The following SECISBP2L variants were observed in gnomAD, a reference collection of about 807,000 sequenced individuals.
SECISBP2L encodes SECIS binding protein 2 like, also known as selenocysteine insertion sequence-binding protein 2-like.
A neutral mutation model predicts 114.7 loss-of-function variants in SECISBP2L; 43 were observed. The ratio of observed to expected loss-of-function variants is 0.38; its 90% CI spans 0.29 to 0.48. The LOEUF (loss-of-function observed/expected upper bound fraction) is 0.48. Among genes scored for constraint, SECISBP2L ranks in the 20% least tolerant of loss-of-function variants. The pLI is 0.98. For synonymous variants in SECISBP2L, 451 were observed against 439.7 expected, an observed-to-expected ratio of 1.03 and a Z score of -0.32; for missense variants, 1,136 against 1,301.1, an observed-to-expected ratio of 0.87 and a Z score of 1.95.
chr15:49,035,200 T>C (rs992804102), intron 3 of SECISBP2L, 134 bp downstream of exon 3: 1 of 730,028 alleles, frequency 1.4e-6, no homozygotes, highest in Non-Finnish European at 2.2e-6. Flanking sequence ...TACATACCCT[T>C]TACCATTTTA....
At chr15:49,018,334 G>A (rs1381099197) in intron 8 of SECISBP2L, among the ~76,000 whole-genome samples, 1 of 149,014 alleles carries the variant, frequency 6.7e-6, no homozygotes, top group Non-Finnish European at 1.5e-5. Context: ...TCGGCTCACT[G>A]CAACCTCCAC....
chr15:49,038,441 A>C (rs1346483219), intron 1 of SECISBP2L, among the ~76,000 whole-genome samples: 3 of 151,796 alleles, frequency 2.0e-5, no homozygotes, highest in African/African-American at 7.3e-5. Flanking sequence ...TAAAAAAAAA[A>C]AAAACCCTGT....
intron 9 of SECISBP2L, 94 bp downstream of exon 9, chr15:49,017,454 A>C: frequency 1.3e-6 from 1 of 784,168 alleles, no homozygotes; most frequent in South Asian, 1.6e-5. Flanking sequence ...CTGCTGCTCC[A>C]TGTGCCTTTA....
At chr15:49,008,148 GT>G (rs1902361283) in intron 14 of SECISBP2L, among the ~76,000 whole-genome samples, 1 of 152,156 alleles carries the variant, frequency 6.6e-6, no homozygotes, top group African/African-American at 2.4e-5. Flanking sequence ...GAGAATTGGT[GT>G]TTCTTATCTA....
intron 17 of SECISBP2L, 39 bp from the exon 18 acceptor site, chr15:48,992,965 T>A (rs757122762): frequency 6.6e-7 from 1 of 1,520,946 alleles, no homozygotes; most frequent in Admixed American, 2.0e-5. Context: ...ACCAGAACAC[T>A]GTTTCAAAAT....
chr15:49,009,679 GC>G (rs1902397787), intron 13 of SECISBP2L, among the ~76,000 whole-genome samples: 1 of 151,644 alleles, frequency 6.6e-6, no homozygotes, highest in Non-Finnish European at 1.5e-5. Flanking sequence ...TTTGAGGTCA[GC>G]CTGAGAAACG....
At chr15:49,036,538 A>G (rs1054111137) in intron 2 of SECISBP2L, among the ~76,000 whole-genome samples, 7 of 152,232 alleles carry the variant, frequency 4.6e-5, no homozygotes, top group African/African-American at 1.4e-4. Flanking sequence ...ATCATACTGT[A>G]TACTTGGCCA....
Position 48,992,668 on chromosome 15 carries a change from G to A in SECISBP2L, c.2882C>T (p.Thr961Ile), listed in dbSNP as rs768361689. 1 of 1,614,218 alleles carries A rather than the reference G, an allele frequency of 6.2e-7. No homozygotes were observed. Among genetic ancestry groups the A allele is most frequent in the South Asian group, 1.1e-5 (1 of 91,086 alleles). ...TCGGCAACTGCCATCCAAAGAGCCA[G>A]TCTCTGTACTCTGCTGTGAGGCCCA... ...LEWASQQSTE[T>I]GSLDGSCRDL... The change falls in exon 18 of 18, where the codon ACT (threonine) becomes ATT (isoleucine). Residue 961 changes from threonine to isoleucine, a missense_variant. Thr to Ile is a moderately conservative substitution (Grantham distance 89). Transcript: ENST00000559471.
intron 1 of SECISBP2L, among the ~76,000 whole-genome samples, chr15:49,040,760 G>A (rs978518223): frequency 1.3e-4 from 20 of 150,774 alleles, no homozygotes; most frequent in African/African-American, 4.6e-4. Context: ...GGATGGTCTC[G>A]ATCTCCTGAC....
intron 1 of SECISBP2L, among the ~76,000 whole-genome samples, chr15:49,041,165 G>C (rs1219824274): frequency 1.3e-5 from 2 of 152,090 alleles, no homozygotes; most frequent in Non-Finnish European, 2.9e-5. Context: ...AATCATTCTT[G>C]TATTATTTGC....
chr15:48,999,258 A>T (rs1264914146), intron 16 of SECISBP2L, among the ~76,000 whole-genome samples: 1 of 152,202 alleles, frequency 6.6e-6, no homozygotes, highest in Non-Finnish European at 1.5e-5. Context: ...CAACTTTGTT[A>T]AAAAACAGTC....
chr15:49,037,667 A>G lies in SECISBP2L; in HGVS notation c.127T>C (p.Ser43Pro), dbSNP rs138794413. 5 of 1,613,814 alleles carry G rather than the reference A, an allele frequency of 3.1e-6. No individual in the cohort carries two copies. The highest frequency in any genetic ancestry group is 2.5e-6 in the Non-Finnish European group (3 of 1,179,900). Residue 43 changes from serine to proline, a missense_variant, in exon 2 of 18, where the codon TCT (serine) becomes CCT (proline). By Grantham distance (74) the Ser-to-Pro change is moderately conservative. Around this residue, in one of 2 missense-constraint regions of SECISBP2L, gnomAD observed 452 missense variants for 452.3 expected, o/e 1.00. Coordinates refer to ENST00000559471, the MANE Select transcript of SECISBP2L (RefSeq NM_001193489.2). Reference protein sequence around the residue: ...MALPNDNGSVSGVEPTPIPSY... With the variant: ...MALPNDNGSVPGVEPTPIPSY... ...GGAATTGGAGTTGGTTCCACACCAGAAACACTTCCATTATCATTTGGGAGA... is the reference window on the plus strand; with the variant it reads ...GGAATTGGAGTTGGTTCCACACCAGGAACACTTCCATTATCATTTGGGAGA...
chr15:49,025,007 A>T (rs1047342668), intron 7 of SECISBP2L, among the ~76,000 whole-genome samples: 2 of 152,216 alleles, frequency 1.3e-5, no homozygotes, highest in Admixed American at 1.3e-4. Flanking sequence ...TGAGCTACTG[A>T]TACCAAAACC....
intron 16 of SECISBP2L, among the ~76,000 whole-genome samples, chr15:48,998,892 C>T (rs976319214): frequency 2.0e-5 from 3 of 152,276 alleles, no homozygotes; most frequent in African/African-American, 7.2e-5. Flanking sequence ...TATCATTCAA[C>T]AAACATATAT....
chr15:49,024,054 A>C (rs952704949), intron 7 of SECISBP2L, among the ~76,000 whole-genome samples: 1 of 152,054 alleles, frequency 6.6e-6, no homozygotes, highest in Non-Finnish European at 1.5e-5. Flanking sequence ...CATCATTTAA[A>C]ATTAGACCTA....
intron 8 of SECISBP2L, among the ~76,000 whole-genome samples, 198 bp downstream of exon 8, chr15:49,019,220 C>A (rs1902593898): frequency 6.6e-6 from 1 of 152,082 alleles, no homozygotes; most frequent in Non-Finnish European, 1.5e-5. Context: ...TAAAAATAAA[C>A]ATCAGTAAAA....
intron 3 of SECISBP2L, among the ~76,000 whole-genome samples, chr15:49,034,692 T>C (rs1595795806): frequency 1.1e-5 from 1 of 94,740 alleles, no homozygotes; most frequent in African/African-American, 3.9e-5. Flanking sequence ...TGAGACAGGG[T>C]GTCACTCTGT....
chr15:49,016,917 TTTC>T lies in SECISBP2L; in HGVS notation c.1347_1349del (p.Lys450del), dbSNP rs1381824026. 2 of 1,614,130 alleles carry T rather than the reference TTTC, an allele frequency of 1.2e-6. No homozygotes were observed. Among genetic ancestry groups the T allele is most frequent in the Non-Finnish European group, 1.7e-6 (2 of 1,179,982 alleles). On this transcript the variant is annotated inframe_deletion, in exon 10 of 18. Coordinates refer to ENST00000559471, the MANE Select transcript of SECISBP2L (RefSeq NM_001193489.2). ...CTGTGGCAAGGGCTGCTGCTAAAGC[TTTC>T]TTCTTCTGACTTTTTGCACGTTTGG...
Position 49,046,403 on chromosome 15 carries a change from C to G in SECISBP2L, c.-104G>C. On this transcript the variant is annotated 5_prime_UTR_variant, in exon 1 of 18. Transcript: ENST00000559471. ...GGGTCCAGACTGGGTTCCGGACCTC[C>G]GCCCCTATCTGGCTGGCCGCGACAC... is the stretch of plus-strand genomic sequence containing the variant. The G allele has an allele frequency of 1.6e-6, 2 of 1,251,264 alleles. No homozygotes were observed. The highest frequency in any genetic ancestry group is 2.1e-6 in the Non-Finnish European group (2 of 951,220). 77.5% of individuals were successfully genotyped at this position (1,251,264 alleles called of 1,614,324 possible). A position where few individuals can be genotyped will look rare whatever the true frequency, so the allele number is the denominator to read the frequency against.
Sources: gnomAD v4.1 joint callset for allele counts (sites outside exome capture counted in the v4.1 genomes callset) on GRCh38, gnomAD v4.1.1 for gene constraint, gnomAD v4.1.1 regional missense constraint, MANE v1.5 for transcripts, NCBI Gene and HGNC (gene_info 2026-07-23, HGNC 2026-07-21) for gene names.